RGS12: variants seen among roughly 807,000 people sequenced by gnomAD.
RGS12 encodes the protein regulator of G-protein signaling 12.
RGS12 carries 66 observed loss-of-function variants against 120.1 expected under a neutral mutation model. The observed-to-expected ratio is 0.55, with a 90% CI of 0.45 to 0.67. The LOEUF is 0.67. Among genes scored for constraint, RGS12 ranks in the 30% least tolerant of loss-of-function variants. RGS12 has a pLI of 0.00. For synonymous variants in RGS12, 827 were observed against 804.7 expected, an observed-to-expected ratio of 1.03 and a Z score of -0.47; for missense variants, 1,859 against 1,957.7, an observed-to-expected ratio of 0.95 and a Z score of 0.95.
At chr4:3,383,852 C>T (rs1718529382) in intron 3 of RGS12, among the ~76,000 whole-genome samples, 2 of 152,170 alleles carry the variant, frequency 1.3e-5, no homozygotes, top group Admixed American at 1.3e-4. Flanking sequence ...ACTCCCTGGC[C>T]ACCTTCTCCT....
At chr4:3,312,851 C>A in intron 1 of RGS12, 1 of 191,288 alleles carries the variant, frequency 5.2e-6, no homozygotes, top group East Asian at 1.4e-4. Context: ...GGAAGACAAG[C>A]TGAAACAATG....
intron 4 of RGS12, among the ~76,000 whole-genome samples, chr4:3,401,550 C>T (rs538166811): frequency 2.0e-5 from 3 of 152,358 alleles, no homozygotes; most frequent in African/African-American, 7.2e-5. Flanking sequence ...GGGGAGTTCT[C>T]ACGCTGTCCC....
intron 17 of RGS12, among the ~76,000 whole-genome samples, chr4:3,436,314 C>T (rs1724803423): frequency 6.6e-6 from 1 of 152,204 alleles, no homozygotes; most frequent in African/African-American, 2.4e-5. Context: ...CCTCGCTCCC[C>T]CCTTCCTGCC....
intron 3 of RGS12, among the ~76,000 whole-genome samples, chr4:3,370,488 C>T (rs1716855588): frequency 6.6e-6 from 1 of 152,240 alleles, no homozygotes; most frequent in African/African-American, 2.4e-5. Context: ...GCGAGTGCTG[C>T]GGGGGCTCAG....
rs149801366 is a variant in RGS12, at chr4:3,438,406, C to A, written c.4115-1049C>A. 8.1e-3 allele frequency among the ~76,000 whole-genome samples: 1,224 copies of A among 151,714 alleles called. 17 individuals carry two copies. The highest frequency in any genetic ancestry group is 0.028 in the African/African-American group (1,158 of 41,128). On this transcript the variant is annotated intron_variant, in intron 17 of 17. Coordinates refer to ENST00000336727, the MANE Select transcript of RGS12 (RefSeq NM_001394154.1). ...GTCACTGGGCGGGTCGGCAACGTCA[C>A]CCCCACCGTACAGATGGGGGGGTGG... is the stretch of plus-strand genomic sequence containing the variant.
intron 17 of RGS12, among the ~76,000 whole-genome samples, chr4:3,432,888 G>A (rs1560182357): frequency 6.6e-6 from 1 of 152,230 alleles, no homozygotes; most frequent in Non-Finnish European, 1.5e-5. Context: ...TGTCCTCCAC[G>A]TGCCTGTCCG....
intron 2 of RGS12, among the ~76,000 whole-genome samples, chr4:3,336,389 AC>A (rs1177109184): frequency 1.3e-5 from 2 of 152,192 alleles, no homozygotes; most frequent in Non-Finnish European, 2.9e-5. Context: ...TCCTGAGTGA[AC>A]CCTGAAGAAT....
In RGS12 at chr4:3,382,171, A is replaced by G. The variant is rs150646887; in HGVS notation, c.1999-4245A>G. 8.0e-3 allele frequency among the ~76,000 whole-genome samples: 1,215 copies of G among 152,272 alleles called. 23 individuals are homozygous for G. The highest frequency in any genetic ancestry group is 0.028 in the African/African-American group (1,168 of 41,540). ...TTACATTTTAAAGAAAATTTTACAT[A>G]TTTGTGATTATACCATGATATCATT... On this transcript the variant is annotated intron_variant, in intron 3 of 17. Coordinates refer to ENST00000336727, the MANE Select transcript of RGS12 (RefSeq NM_001394154.1).
chr4:3,384,786 G>A (rs1718653310), intron 3 of RGS12, among the ~76,000 whole-genome samples: 1 of 152,224 alleles, frequency 6.6e-6, no homozygotes, highest in South Asian at 2.1e-4. Flanking sequence ...GGCTTACTTT[G>A]GGTGCCAGAG....
intron 15 of RGS12, 65 bp downstream of exon 15, chr4:3,428,234 G>T: frequency 7.1e-7 from 1 of 1,402,330 alleles, no homozygotes; most frequent in Non-Finnish European, 1.0e-6. Flanking sequence ...CCTGCCCTGC[G>T]CAGTGCCCTG....
At chr4:3,301,464 AT>A (rs1255208794) in intron 1 of RGS12, among the ~76,000 whole-genome samples, 11 of 152,214 alleles carry the variant, frequency 7.2e-5, no homozygotes, top group Admixed American at 6.5e-4. Flanking sequence ...GGAGAATCAC[AT>A]GTAGGAGGCT....
chr4:3,301,030 C>T (rs1042782948), intron 1 of RGS12, among the ~76,000 whole-genome samples: 7 of 152,134 alleles, frequency 4.6e-5, no homozygotes, highest in African/African-American at 1.7e-4. Flanking sequence ...GCCTCCCCGG[C>T]TGCCCTCCTC....
intron 3 of RGS12, among the ~76,000 whole-genome samples, chr4:3,353,978 A>T (rs1466752633): frequency 6.6e-6 from 1 of 152,146 alleles, no homozygotes; most frequent in African/African-American, 2.4e-5. Flanking sequence ...GGAAATGACT[A>T]TTGATGACAC....
At chr4:3,360,051 C>T (rs923671964) in intron 3 of RGS12, among the ~76,000 whole-genome samples, 9 of 152,172 alleles carry the variant, frequency 5.9e-5, no homozygotes, top group African/African-American at 9.7e-5. Context: ...TGAGCCACTG[C>T]GCCTGGCGAG....
rs947400369 is a variant in RGS12, at chr4:3,390,589, C to A, written c.2020+4152C>A. 1.3e-5 allele frequency among the ~76,000 whole-genome samples: 2 copies of A among 152,372 alleles called. No individual in the cohort carries two copies. The highest frequency in any genetic ancestry group is 6.5e-5 in the Admixed American group (1 of 15,312). ...CGCCGCCTCCTCCTGGGCTGCTCTG[C>A]GCGCCTGCCAGGCTCTTCCAGTGCC... On this transcript the variant is annotated intron_variant, in intron 4 of 17. Coordinates refer to ENST00000336727, the MANE Select transcript of RGS12 (RefSeq NM_001394154.1). The surrounding 1 kb of genome is among the most constrained non-coding windows in gnomAD (Gnocchi z 4.6).
chr4:3,331,091 G>A (rs984624946), intron 2 of RGS12, among the ~76,000 whole-genome samples: 4 of 152,164 alleles, frequency 2.6e-5, no homozygotes, highest in African/African-American at 7.2e-5. Flanking sequence ...CACGCAAAGC[G>A]GATCAATACA....
intron 4 of RGS12, among the ~76,000 whole-genome samples, chr4:3,410,008 A>C (rs981237388): frequency 7.9e-5 from 12 of 152,182 alleles, no homozygotes; most frequent in African/African-American, 2.9e-4. Context: ...TTGTCCTGTC[A>C]TGGAAGTTCT....
At chr4:3,388,580 C>T (rs996420859) in intron 4 of RGS12, among the ~76,000 whole-genome samples, 1 of 152,134 alleles carries the variant, frequency 6.6e-6, no homozygotes, top group African/African-American at 2.4e-5. Context: ...GGCTCCCACC[C>T]ACCCCCCAGC....
Position 3,439,666 on chromosome 4 carries a change from C to T in RGS12, c.4326C>T (p.His1442=). 4 of 1,544,936 alleles carry T rather than the reference C, an allele frequency of 2.6e-6. No individual in the cohort carries two copies. Among genetic ancestry groups the T allele is most frequent in the Non-Finnish European group, 3.5e-6 (4 of 1,145,738 alleles). ...GEPAKPKTSA[H]HATFV ...CTGCTAAGCCCAAGACCAGCGCTCA[C>T]CACGCCACCTTCGTCTGAGCTGCCC... is the stretch of plus-strand genomic sequence containing the variant. The change falls in exon 18 of 18, where the codon CAC becomes CAT. Residue 1442 remains histidine (H), a synonymous_variant. Transcript: ENST00000336727.
Sources: allele counts gnomAD v4.1 joint callset (sites outside exome capture counted in the v4.1 genomes callset), GRCh38; gene constraint gnomAD v4.1.1; non-coding constraint Gnocchi (gnomAD v3.1); transcripts MANE v1.5; gene names NCBI Gene and HGNC (gene_info 2026-07-23, HGNC 2026-07-21).